LRMDA: variants seen among roughly 807,000 people sequenced by gnomAD.
LRMDA encodes leucine-rich melanocyte differentiation-associated protein.
LRMDA carries 18 observed loss-of-function variants against 29.8 expected under a neutral mutation model. The observed-to-expected ratio is 0.60, with a 90% CI of 0.42 to 0.90. The LOEUF (loss-of-function observed/expected upper bound fraction) is 0.90. Ranked by LOEUF, LRMDA falls within the 40% of genes least tolerant of loss-of-function variation. The pLI, the probability that LRMDA is intolerant of heterozygous loss-of-function variation, is 0.00. For synonymous variants in LRMDA, 125 were observed against 109.4 expected (o/e 1.14, Z -0.89); for missense variants, 273 against 273.9 (o/e 1.00, Z 0.02).
At chr10:76,184,280 C>T (rs961654056) in intron 5 of LRMDA, among the ~76,000 whole-genome samples, 4 of 152,184 alleles carry the variant, frequency 2.6e-5, no homozygotes, top group Admixed American at 6.5e-5. Flanking sequence ...AGATGCCCTC[C>T]TCAGCCTCCC....
At chr10:75,592,600 A>G (rs564971237) in intron 2 of LRMDA, among the ~76,000 whole-genome samples, 1 of 152,334 alleles carries the variant, frequency 6.6e-6, no homozygotes, top group Admixed American at 6.5e-5. Flanking sequence ...ACCACCAAGC[A>G]GCACTGGGCA....
intron 2 of LRMDA, among the ~76,000 whole-genome samples, 158 bp from the exon 3 acceptor site, chr10:76,035,850 G>A (rs948349225): frequency 1.6e-5 from 2 of 125,262 alleles, no homozygotes; most frequent in Non-Finnish European, 3.3e-5. Context: ...CCCCCGCCCC[G>A]ACTCCTGCTA....
chr10:75,701,577 C>CTGTCAAT (rs1842308675), intron 2 of LRMDA, among the ~76,000 whole-genome samples: 1 of 152,118 alleles, frequency 6.6e-6, no homozygotes, highest in African/African-American at 2.4e-5. Context: ...GGAAAATAGC[C>CTGTCAAT]AGTGGGTCGG....
At chr10:76,341,547 C>A (rs1377723375) in intron 6 of LRMDA, among the ~76,000 whole-genome samples, 1 of 152,174 alleles carries the variant, frequency 6.6e-6, no homozygotes, top group Non-Finnish European at 1.5e-5. Flanking sequence ...AAATTACCCT[C>A]AAATTTAATT....
chr10:76,096,365 T>C (rs890711398), intron 5 of LRMDA, among the ~76,000 whole-genome samples: 1 of 152,028 alleles, frequency 6.6e-6, no homozygotes, highest in Admixed American at 6.5e-5. Flanking sequence ...TTCAGCTTCA[T>C]TTGTTGAAAA....
chr10:75,899,590 C>A lies in LRMDA; in HGVS notation c.132-136418C>A, dbSNP rs534653475. On this transcript the variant is annotated intron_variant, in intron 2 of 6. Coordinates refer to ENST00000611255, the MANE Select transcript of LRMDA (RefSeq NM_001305581.2). The stretch of plus-strand genomic sequence containing the variant: ...CCAGAATGCGGGGCCTGTGATCTAG[C>A]AGCTAAGGGCATCCATTCAGCTAAA... 1.1e-4 allele frequency among the ~76,000 whole-genome samples: 16 copies of A among 152,352 alleles called. No individual in the cohort carries two copies. The South Asian group carries it at 3.3e-3, about 32-fold the overall frequency.
chr10:76,009,236 C>A (rs1217984737), intron 2 of LRMDA, among the ~76,000 whole-genome samples: 1 of 152,190 alleles, frequency 6.6e-6, no homozygotes, highest in Non-Finnish European at 1.5e-5. Context: ...CCCCTCCCCA[C>A]CTCTTTGGGA....
At chr10:76,216,386 G>C (rs1231122374) in intron 5 of LRMDA, among the ~76,000 whole-genome samples, 1 of 151,952 alleles carries the variant, frequency 6.6e-6, no homozygotes, top group Non-Finnish European at 1.5e-5. Context: ...AAACTGAAAA[G>C]GCACATTGTA....
chr10:75,751,814 A>G (rs540211208), intron 2 of LRMDA, among the ~76,000 whole-genome samples: 1 of 152,144 alleles, frequency 6.6e-6, no homozygotes, highest in Admixed American at 6.5e-5. Context: ...ACTCACAGAG[A>G]GGTAGTACCT....
At chr10:76,073,800 T>G (rs1020780068) in intron 5 of LRMDA, among the ~76,000 whole-genome samples, 5 of 152,116 alleles carry the variant, frequency 3.3e-5, no homozygotes, top group Non-Finnish European at 5.9e-5. Context: ...TGGAAATGAG[T>G]TTCCTAGAGT....
At chr10:75,991,014 T>C (rs1847358938) in intron 2 of LRMDA, among the ~76,000 whole-genome samples, 1 of 152,114 alleles carries the variant, frequency 6.6e-6, no homozygotes, top group Non-Finnish European at 1.5e-5. Context: ...CTCCATAAAG[T>C]GAAGGTGATA....
At chr10:76,129,419 A>C (rs967971535) in intron 5 of LRMDA, among the ~76,000 whole-genome samples, 39 of 152,292 alleles carry the variant, frequency 2.6e-4, no homozygotes, top group African/African-American at 8.7e-4. Flanking sequence ...TATAGCTCCC[A>C]CTGCAAATTG....
intron 2 of LRMDA, among the ~76,000 whole-genome samples, chr10:75,558,043 C>G (rs1263824509): frequency 6.6e-6 from 1 of 152,030 alleles, no homozygotes; most frequent in Non-Finnish European, 1.5e-5. Context: ...ATGCACTGCA[C>G]TGCTTCATCG....
At chr10:75,572,609 A>G (rs756134230) in intron 2 of LRMDA, among the ~76,000 whole-genome samples, 20 of 152,218 alleles carry the variant, frequency 1.3e-4, no homozygotes, top group Non-Finnish European at 2.2e-4. Context: ...TAGGAATTTT[A>G]TAACTTTATT....
intron 5 of LRMDA, among the ~76,000 whole-genome samples, chr10:76,246,803 A>G (rs1441298091): frequency 6.6e-6 from 1 of 152,188 alleles, no homozygotes; most frequent in African/African-American, 2.4e-5. Flanking sequence ...TGCATTGCAC[A>G]CAAGTGTCCC....
At chr10:76,031,576 C>T (rs1848151361) in intron 2 of LRMDA, among the ~76,000 whole-genome samples, 1 of 152,122 alleles carries the variant, frequency 6.6e-6, no homozygotes. Context: ...GAGATCCCCT[C>T]TTAGAGGGGC....
chr10:75,738,782 G>A (rs1261798118), intron 2 of LRMDA, among the ~76,000 whole-genome samples: 1 of 152,156 alleles, frequency 6.6e-6, no homozygotes, highest in Admixed American at 6.6e-5. Context: ...CTGCATTTTA[G>A]CAAATATGCT....
chr10:76,286,280 T>C (rs1840269751), intron 5 of LRMDA, among the ~76,000 whole-genome samples: 2 of 152,180 alleles, frequency 1.3e-5, no homozygotes, highest in South Asian at 2.1e-4. Context: ...CACCGATGCA[T>C]TAAAGGGCTG....
At chr10:76,537,612 G>A (rs908233648) in intron 6 of LRMDA, among the ~76,000 whole-genome samples, 1 of 152,172 alleles carries the variant, frequency 6.6e-6, no homozygotes, top group South Asian at 2.1e-4. Context: ...GCACCGCTCT[G>A]ACGGCTTTTC....
Sources: allele counts gnomAD v4.1 joint callset (sites outside exome capture counted in the v4.1 genomes callset), GRCh38; gene constraint gnomAD v4.1.1; transcripts MANE v1.5; gene names NCBI Gene and HGNC (gene_info 2026-07-23, HGNC 2026-07-21).